Variants in SMOC1 observed in about 807,000 individuals in gnomAD.
The protein encoded by SMOC1 is SPARC related modular calcium binding 1.
SMOC1 carries 22 observed loss-of-function variants against 56.3 expected under a neutral mutation model. The observed-to-expected ratio is 0.39, with a 90% CI of 0.28 to 0.56. SMOC1 has a LOEUF of 0.56. Among genes scored for constraint, SMOC1 ranks in the 20% least tolerant of loss-of-function variants. The pLI, the probability that SMOC1 is intolerant of heterozygous loss-of-function variation, is 0.61. For synonymous variants in SMOC1, 193 were observed against 215.0 expected (o/e 0.90, Z 0.89); for missense variants, 509 against 565.4 (o/e 0.90, Z 1.01).
intron 3 of SMOC1, among the ~76,000 whole-genome samples, chr14:69,959,555 T>G (rs1241529435): frequency 6.6e-6 from 1 of 152,196 alleles, no homozygotes; most frequent in African/African-American, 2.4e-5. Flanking sequence ...GGAACAATCT[T>G]TCTTGATATA....
Position 70,011,458 on chromosome 14 carries a change from AC to A in SMOC1, c.858-19del, listed in dbSNP as rs61674022. The A allele has an allele frequency of 7.9e-4, 905 of 1,151,032 alleles. 11 individuals carry two copies. Among genetic ancestry groups the A allele is most frequent in the Non-Finnish European group, 1.0e-3 (825 of 802,620 alleles). 71.3% of individuals were successfully genotyped at this position (1,151,032 alleles called of 1,614,324 possible). On this transcript the variant is annotated intron_variant, in intron 8 of 11. Coordinates refer to ENST00000361956, the MANE Select transcript of SMOC1 (RefSeq NM_001034852.3). The stretch of plus-strand genomic sequence containing the variant: ...TAGGCTCAGTTGCCAGCCCCTCCCA[AC>A]CCCCCCCATATCTCTCTTTTCCCAG...
rs538787420 is a variant in SMOC1, at chr14:69,897,732, G to A, written c.99+17955G>A. On this transcript the variant is annotated intron_variant, in intron 1 of 11. Transcript: ENST00000361956. The stretch of plus-strand genomic sequence containing the variant: ...TCTCTCCCATCTCTTGTATCATGCT[G>A]TCATTTATTTAACTTATATGTAAGC... 1.4e-4 allele frequency among the ~76,000 whole-genome samples: 21 copies of A among 152,196 alleles called. No homozygotes were observed. In the East Asian group the frequency reaches 3.7e-3, roughly 27 times the overall value.
At chr14:70,010,619 T>G in intron 7 of SMOC1, 135 bp from the exon 8 acceptor site, 1 of 907,070 alleles carries the variant, frequency 1.1e-6, no homozygotes, top group Non-Finnish European at 1.8e-6. Flanking sequence ...TCTGTGGTAA[T>G]TCATCAATGG....
At chr14:69,976,476 T>C (rs904005469) in intron 4 of SMOC1, among the ~76,000 whole-genome samples, 1 of 152,230 alleles carries the variant, frequency 6.6e-6, no homozygotes, top group Non-Finnish European at 1.5e-5. Context: ...ATTAGACAAG[T>C]TAGCAAACTA....
At chr14:69,975,082 G>A (rs992851464) in intron 3 of SMOC1, among the ~76,000 whole-genome samples, 7 of 152,130 alleles carry the variant, frequency 4.6e-5, no homozygotes, top group Non-Finnish European at 1.0e-4. Flanking sequence ...GGTGGCTCAC[G>A]CCTGTAATCC....
At chr14:70,011,635 A>G in intron 9 of SMOC1, 68 bp downstream of exon 9, 1 of 1,424,926 alleles carries the variant, frequency 7.0e-7, no homozygotes, top group South Asian at 1.2e-5. Context: ...CATTATGCAG[A>G]AGAAGCTGTC....
intron 1 of SMOC1, among the ~76,000 whole-genome samples, chr14:69,924,645 G>GAGGAGGA (rs879568364): frequency 3.3e-5 from 5 of 149,936 alleles, no homozygotes; most frequent in Non-Finnish European, 7.4e-5. Flanking sequence ...GAGGAGTTAG[G>GAGGAGGA]GAGGTAGGGG....
intron 1 of SMOC1, among the ~76,000 whole-genome samples, chr14:69,930,088 G>A (rs1296200584): frequency 6.8e-6 from 1 of 146,578 alleles, no homozygotes; most frequent in Non-Finnish European, 1.5e-5. Flanking sequence ...ATCCACATGT[G>A]CTTCTGCTGC....
intron 3 of SMOC1, among the ~76,000 whole-genome samples, chr14:69,955,356 G>A (rs1031227749): frequency 5.2e-4 from 79 of 152,226 alleles, no homozygotes; most frequent in African/African-American, 1.8e-3. Context: ...CACCCCTCAG[G>A]TAAGTCCCCG....
chr14:70,007,860 TA>T (rs1885199665), intron 7 of SMOC1, among the ~76,000 whole-genome samples: 1 of 152,212 alleles, frequency 6.6e-6, no homozygotes, highest in African/African-American at 2.4e-5. Context: ...TTATTAGTTG[TA>T]AAGATGATTT....
chr14:69,946,649 G>A (rs571464014), intron 1 of SMOC1, among the ~76,000 whole-genome samples: 27 of 152,264 alleles, frequency 1.8e-4, no homozygotes, highest in Non-Finnish European at 3.4e-4. Context: ...TCCACCAACC[G>A]TGATTGCTCC....
intron 1 of SMOC1, among the ~76,000 whole-genome samples, chr14:69,924,416 C>A (rs915005165): frequency 6.6e-6 from 1 of 152,022 alleles, no homozygotes; most frequent in African/African-American, 2.4e-5. Context: ...CTTCCCATTC[C>A]TTTTGTGATC....
At chr14:69,965,136 G>A (rs569362131) in intron 3 of SMOC1, among the ~76,000 whole-genome samples, 1 of 152,210 alleles carries the variant, frequency 6.6e-6, no homozygotes, top group Non-Finnish European at 1.5e-5. Context: ...CCAGCACTTT[G>A]GGAGGCCGAG....
chr14:69,965,039 G>A (rs1036964600), intron 3 of SMOC1, among the ~76,000 whole-genome samples: 2 of 152,172 alleles, frequency 1.3e-5, no homozygotes, highest in African/African-American at 4.8e-5. Context: ...GATGTCATGT[G>A]AGGAATATCC....
chr14:69,902,007 C>A (rs1157984959), intron 1 of SMOC1, among the ~76,000 whole-genome samples: 7 of 152,216 alleles, frequency 4.6e-5, no homozygotes, highest in Non-Finnish European at 8.8e-5. Context: ...GTGGACTGAT[C>A]CCACCTCCCA....
intron 5 of SMOC1, among the ~76,000 whole-genome samples, chr14:69,988,087 CCTGG>C (rs1312309874): frequency 6.6e-6 from 1 of 152,166 alleles, no homozygotes; most frequent in Non-Finnish European, 1.5e-5. Context: ...CTCCCTCCGC[CCTGG>C]CTGGTGGTGA....
chr14:70,017,107 A>T (rs1885544728), intron 10 of SMOC1, among the ~76,000 whole-genome samples: 1 of 152,204 alleles, frequency 6.6e-6, no homozygotes. Context: ...AAATGAATAA[A>T]TAGCTAGAGG....
intron 3 of SMOC1, among the ~76,000 whole-genome samples, chr14:69,972,477 A>G (rs1308884924): frequency 6.6e-6 from 1 of 152,124 alleles, no homozygotes; most frequent in African/African-American, 2.4e-5. Context: ...CCGCCCTCAC[A>G]GGCACATGGC....
chr14:69,969,215 CT>C (rs1386008524), intron 3 of SMOC1, among the ~76,000 whole-genome samples: 3 of 152,166 alleles, frequency 2.0e-5, no homozygotes, highest in African/African-American at 7.2e-5. Context: ...CCAATGCTCC[CT>C]GTGTAAAAGT....
Sources: gnomAD v4.1 joint callset for allele counts (sites outside exome capture counted in the v4.1 genomes callset) on GRCh38, gnomAD v4.1.1 for gene constraint, MANE v1.5 for transcripts, NCBI Gene and HGNC (gene_info 2026-07-23, HGNC 2026-07-21) for gene names.